The following TK2 variants were observed in gnomAD, a reference collection of about 807,000 sequenced individuals.
The protein encoded by TK2 is thymidine kinase 2, mitochondrial.
Under a neutral mutation model 41.9 loss-of-function variants are expected in TK2, and 35 were observed. That is an observed-to-expected ratio of 0.84 (90% CI 0.64 to 1.11). The LOEUF is 1.11. Among genes scored for constraint, TK2 ranks in the 50% least tolerant of loss-of-function variants. The pLI is 0.00. For missense variants in TK2, 320 were observed against 351.1 expected, an observed-to-expected ratio of 0.91 and a Z score of 0.71; for synonymous variants, 128 against 129.1, an observed-to-expected ratio of 0.99 and a Z score of 0.06.
intron 6 of TK2, among the ~76,000 whole-genome samples, chr16:66,528,572 G>A (rs1331639556): frequency 6.6e-6 from 1 of 152,210 alleles, no homozygotes; most frequent in Non-Finnish European, 1.5e-5. Context: ...ACTTGGAGCA[G>A]AGGCCTGAAA....
In TK2 at chr16:66,508,062, A is replaced by G. The variant is rs1005702392; in HGVS notation, c.*3906T>C. 3.9e-5 allele frequency: 6 copies of G among 152,188 alleles called. No individual in the cohort carries two copies. Among genetic ancestry groups the G allele is most frequent in the East Asian group, 3.8e-4 (2 of 5,202 alleles). The allele number at this position is 152,188 out of a possible 1,614,324, so 9.4% of individuals were successfully genotyped here. On this transcript the variant is annotated 3_prime_UTR_variant, in exon 10 of 10. Coordinates refer to ENST00000544898, the MANE Select transcript of TK2 (RefSeq NM_004614.5). Reference sequence around the variant, plus strand: ...TGTATGCATCTTTAGATTGTTACCAATATTTTGTAATGATTAACCATCTCC... The same window carrying G: ...TGTATGCATCTTTAGATTGTTACCAGTATTTTGTAATGATTAACCATCTCC...
At chr16:66,525,510 T>TCTGGGAGGAAGAGAAA (rs1567530507) in intron 6 of TK2, among the ~76,000 whole-genome samples, 2 of 152,322 alleles carry the variant, frequency 1.3e-5, no homozygotes, top group Non-Finnish European at 2.9e-5. Flanking sequence ...GAGGAAGCAG[T>TCTGGGAGGAAGAGAAA]GCTGTGGGGA....
chr16:66,521,987 G>A (rs545142378), intron 6 of TK2, among the ~76,000 whole-genome samples: 1 of 152,280 alleles, frequency 6.6e-6, no homozygotes, highest in East Asian at 1.9e-4. Context: ...CCTTGTATAC[G>A]TTATTTCCTT....
In TK2 at chr16:66,514,201, A is replaced by G. The variant is rs1251569627; in HGVS notation, c.619-390T>C. 2.7e-5 allele frequency among the ~76,000 whole-genome samples: 4 copies of G among 149,902 alleles called. No homozygotes were observed. The highest frequency in any genetic ancestry group is 9.9e-5 in the African/African-American group (4 of 40,474). ...GCTGGACTGTACTGCCGCCAACTCG[A>G]CTCACTGCAACCTCCCTGCCTGATT... is the stretch of plus-strand genomic sequence containing the variant. On this transcript the variant is annotated intron_variant, in intron 8 of 9. Transcript: ENST00000544898. The surrounding 1 kb of genome is among the most constrained non-coding windows in gnomAD (Gnocchi z 4.2).
chr16:66,546,415 T>C (rs899185169), intron 2 of TK2: 2 of 152,186 alleles, frequency 1.3e-5, no homozygotes, highest in South Asian at 2.1e-4. Flanking sequence ...TCATTTAACA[T>C]TCAAATAACT....
chr16:66,543,703 G>C (rs957071337), intron 2 of TK2, among the ~76,000 whole-genome samples: 2 of 152,134 alleles, frequency 1.3e-5, no homozygotes, highest in Non-Finnish European at 2.9e-5. Context: ...TCCTGATGGA[G>C]CCTCAGTCAC....
chr16:66,524,339 T>C (rs1964867733), intron 6 of TK2, among the ~76,000 whole-genome samples: 1 of 152,050 alleles, frequency 6.6e-6, no homozygotes, highest in Admixed American at 6.6e-5. Context: ...CCAGCTTTTT[T>C]TATTTTTATT....
chr16:66,508,335 G>C lies in TK2; in HGVS notation c.*3633C>G, dbSNP rs1964352634. ...TAGCCTTAGGAAAGCTGAGGGGATG[G>C]GATTATTAGGAAAAGAAAGTGTGTG... is the stretch of plus-strand genomic sequence containing the variant. On this transcript the variant is annotated 3_prime_UTR_variant, in exon 10 of 10. Coordinates refer to ENST00000544898, the MANE Select transcript of TK2 (RefSeq NM_004614.5). 1 of 152,244 alleles carries C rather than the reference G, an allele frequency of 6.6e-6. No individual in the cohort carries two copies. Among genetic ancestry groups the C allele is most frequent in the Non-Finnish European group, 1.5e-5 (1 of 68,050 alleles). 9.4% of individuals were successfully genotyped at this position (152,244 alleles called of 1,614,324 possible).
At chr16:66,540,750 T>C (rs537582972) in intron 3 of TK2, among the ~76,000 whole-genome samples, 4 of 152,358 alleles carry the variant, frequency 2.6e-5, no homozygotes, top group Admixed American at 2.0e-4. Context: ...GCTCAGACAT[T>C]GCTATCTCAG....
chr16:66,537,645 C>A (rs1965327891), intron 3 of TK2, among the ~76,000 whole-genome samples: 1 of 152,244 alleles, frequency 6.6e-6, no homozygotes, highest in Non-Finnish European at 1.5e-5. Context: ...CTGGGCATTT[C>A]TAGAGCCTCC....
chr16:66,538,435 C>T (rs1410411271), intron 3 of TK2, among the ~76,000 whole-genome samples: 1 of 152,178 alleles, frequency 6.6e-6, no homozygotes, highest in Admixed American at 6.5e-5. Context: ...CAGCACCACA[C>T]AGGCCCACCA....
At chr16:66,525,760 T>C (rs1964912462) in intron 6 of TK2, among the ~76,000 whole-genome samples, 1 of 152,098 alleles carries the variant, frequency 6.6e-6, no homozygotes, top group Non-Finnish European at 1.5e-5. Flanking sequence ...GAAAGCCATA[T>C]GAACTTAAAA....
chr16:66,549,042 A>G (rs1294019150), intron 1 of TK2, 33 bp from the exon 2 acceptor site: 1 of 1,612,568 alleles, frequency 6.2e-7, no homozygotes, highest in Non-Finnish European at 8.5e-7. Context: ...TTTTAAACTC[A>G]CTTTTAAATA....
rs1454444484 is a variant in TK2, at chr16:66,532,919, CA to C, written c.286-1451del. Among the ~76,000 whole-genome samples the C allele has an allele frequency of 5.3e-5, 8 of 151,980 alleles. No homozygotes were observed. The East Asian group carries it at 1.4e-3, about 26-fold the overall frequency. On this transcript the variant is annotated intron_variant, in intron 4 of 9. Transcript: ENST00000544898. Reference sequence around the variant, plus strand: ...GAAACCACAAAAGACCCCAAATAGCCAAAGCAATCCTGAGCAAAAAAAACAA... The same window carrying C: ...GAAACCACAAAAGACCCCAAATAGCCAAGCAATCCTGAGCAAAAAAAACAA...
rs1336236537 is a variant in TK2 at position 66,514,188 on chromosome 16, T to G, written c.619-377A>C. On this transcript the variant is annotated intron_variant, in intron 8 of 9. Transcript: ENST00000544898. The surrounding 1 kb of genome is among the most constrained non-coding windows in gnomAD (Gnocchi z 4.2). ...ATGCCCAGCCGAGGCTGGACTGTACTGCCGCCAACTCGACTCACTGCAACC... is the reference window on the plus strand; with the variant it reads ...ATGCCCAGCCGAGGCTGGACTGTACGGCCGCCAACTCGACTCACTGCAACC... Among the ~76,000 whole-genome samples, 2 of 150,650 alleles carry G rather than the reference T, an allele frequency of 1.3e-5. No individual in the cohort carries two copies. Among genetic ancestry groups the G allele is most frequent in the Non-Finnish European group, 3.0e-5 (2 of 67,732 alleles).
intron 2 of TK2, 94 bp downstream of exon 2, chr16:66,548,884 A>C (rs567157679): frequency 8.0e-7 from 1 of 1,250,774 alleles, no homozygotes; most frequent in Admixed American, 1.8e-5. Context: ...GCTTTTTACT[A>C]TGGAATGTAT....
rs145841612 is a variant in TK2, at chr16:66,521,179, C to A, written c.450-3302G>T. ...GAACCACAGCTCAGAACAAATGAAG[C>A]AGTGTTAACTAAAACCAAACCAACC... On this transcript the variant is annotated intron_variant, in intron 6 of 9. Transcript: ENST00000544898. Among the ~76,000 whole-genome samples the A allele has an allele frequency of 4.1e-3, 632 of 152,340 alleles. 2 individuals carry two copies. Among genetic ancestry groups the A allele is most frequent in the African/African-American group, 0.014 (589 of 41,554 alleles).
At chr16:66,513,968 C>T in intron 8 of TK2, 157 bp from the exon 9 acceptor site, 1 of 706,614 alleles carries the variant, frequency 1.4e-6, no homozygotes, top group Non-Finnish European at 2.6e-6. Flanking sequence ...TGGACAGCGG[C>T]AGACGCAGCC....
chr16:66,533,676 C>A (rs1431122509), intron 4 of TK2, among the ~76,000 whole-genome samples: 1 of 151,920 alleles, frequency 6.6e-6, no homozygotes, highest in Non-Finnish European at 1.5e-5. Context: ...AAACTTAATC[C>A]CCCATGTGGC....
Sources: gnomAD v4.1 joint callset for allele counts (sites outside exome capture counted in the v4.1 genomes callset) on GRCh38, gnomAD v4.1.1 for gene constraint, Gnocchi (gnomAD v3.1) non-coding constraint, MANE v1.5 for transcripts, NCBI Gene and HGNC (gene_info 2026-07-23, HGNC 2026-07-21) for gene names.